The following LRP2 variants were observed in gnomAD, a reference collection of about 807,000 sequenced individuals.
LRP2 encodes LDL receptor related protein 2, also known as low-density lipoprotein receptor-related protein 2.
LRP2 carries 172 observed loss-of-function variants against 531.0 expected under a neutral mutation model. That is an observed-to-expected ratio of 0.32 (90% CI 0.29 to 0.37). The LOEUF is 0.37. LRP2 is among the 10% of genes least tolerant of loss of function. The pLI, the probability that LRP2 is intolerant of heterozygous loss-of-function variation, is 1.00. For missense variants in LRP2, 5,167 were observed against 5,868.3 expected (o/e 0.88, Z 3.90); for synonymous variants, 1,992 against 2,027.6 (o/e 0.98, Z 0.47).
chr2:169,210,196 T>C (rs934915372), intron 37 of LRP2, among the ~76,000 whole-genome samples: 2 of 152,172 alleles, frequency 1.3e-5, no homozygotes, highest in African/African-American at 4.8e-5. Context: ...TAAATAATCA[T>C]TTCAAACAAG....
At chr2:169,185,330 T>G (rs1232471359) in intron 50 of LRP2, among the ~76,000 whole-genome samples, 173 bp downstream of exon 50, 1 of 152,258 alleles carries the variant, frequency 6.6e-6, no homozygotes, top group African/African-American at 2.4e-5. Context: ...TTAGATATTC[T>G]GTTCTGAATC....
At chr2:169,203,088 C>G in intron 42 of LRP2, 129 bp from the exon 43 acceptor site, 1 of 758,596 alleles carries the variant, frequency 1.3e-6, no homozygotes, top group Non-Finnish European at 2.3e-6. Flanking sequence ...GAAGTTCTGC[C>G]CATTAACCTT....
intron 1 of LRP2, among the ~76,000 whole-genome samples, chr2:169,333,237 A>G (rs1204224829): frequency 6.6e-6 from 1 of 152,124 alleles, no homozygotes; most frequent in Non-Finnish European, 1.5e-5. Context: ...ATGCCTTGGA[A>G]ATGATTTTAT....
At chr2:169,354,724 T>C (rs1574284824) in intron 1 of LRP2, among the ~76,000 whole-genome samples, 1 of 152,160 alleles carries the variant, frequency 6.6e-6, no homozygotes, top group African/African-American at 2.4e-5. Flanking sequence ...AAAGTAACCA[T>C]CAGCAAAGAG....
chr2:169,206,033 G>C lies in LRP2; in HGVS notation c.7546C>G (p.Pro2516Ala). ...VPKPRAIVLD[P>A]CQGYLYWADW... ...AAGATGATGGCATACCCTTGGCAGG[G>C]ATCTAACACAATTGCTCTTGGTTTT... Residue 2516 changes from proline to alanine, a missense_variant, in exon 40 of 79, where the codon CCC (proline) becomes GCC (alanine). Around this residue, in one of 6 missense-constraint regions of LRP2, gnomAD observed 1,129 missense variants for 1,362.7 expected, o/e 0.83. Transcript: ENST00000649046. The C allele has an allele frequency of 6.2e-7, 1 of 1,614,194 alleles. No individual in the cohort carries two copies. The highest frequency in any genetic ancestry group is 8.5e-7 in the Non-Finnish European group (1 of 1,180,036).
At chr2:169,311,643 G>C (rs184280621) in intron 3 of LRP2, among the ~76,000 whole-genome samples, 3 of 152,350 alleles carry the variant, frequency 2.0e-5, no homozygotes, top group Non-Finnish European at 4.4e-5. Flanking sequence ...ATTGAAATAA[G>C]TGCAATGTGG....
At chr2:169,274,579 T>C (rs1683503370) in intron 14 of LRP2, among the ~76,000 whole-genome samples, 1 of 152,076 alleles carries the variant, frequency 6.6e-6, no homozygotes, top group Non-Finnish European at 1.5e-5. Flanking sequence ...ACAGGTGCCA[T>C]ACATATGCAA....
chr2:169,294,849 C>T, intron 4 of LRP2, 139 bp from the exon 5 acceptor site: 3 of 640,172 alleles, frequency 4.7e-6, no homozygotes. Context: ...AAGAAGTATG[C>T]TCCCTGGCTT....
intron 4 of LRP2, among the ~76,000 whole-genome samples, chr2:169,295,634 A>G (rs1215271869): frequency 1.3e-5 from 2 of 152,108 alleles, no homozygotes; most frequent in Non-Finnish European, 2.9e-5. Context: ...TGTCTTACTC[A>G]TTTTAGAATC....
chr2:169,350,525 A>C (rs1019778660), intron 1 of LRP2, among the ~76,000 whole-genome samples: 1 of 151,894 alleles, frequency 6.6e-6, no homozygotes, highest in Admixed American at 6.6e-5. Flanking sequence ...GGAGTTTGAG[A>C]CCAGCCTGAC....
rs766035084 is a variant in LRP2 at position 169,243,463 on chromosome 2, G to C, written c.3490C>G (p.Leu1164Val). ...FNCPNHRCID[L>V]SFVCDGDKDC... ...TTGTCACCATCACAGACAAACGATA[G>C]GTCAATACATCGATGATTGGGGCAA... The change falls in exon 23 of 79, where the codon CTA (leucine) becomes GTA (valine). Residue 1164 changes from leucine to valine, a missense_variant. Transcript: ENST00000649046. 4 of 1,614,110 alleles carry C rather than the reference G, an allele frequency of 2.5e-6. No individual in the cohort carries two copies. Among genetic ancestry groups the C allele is most frequent in the South Asian group, 2.2e-5 (2 of 91,070 alleles).
At chr2:169,289,912 C>T (rs1161922010) in intron 8 of LRP2, among the ~76,000 whole-genome samples, 1 of 152,034 alleles carries the variant, frequency 6.6e-6, no homozygotes, top group Non-Finnish European at 1.5e-5. Flanking sequence ...GAGGTCTCTG[C>T]CTGTTTAAAT....
chr2:169,330,225 G>A (rs1213376593), intron 1 of LRP2, among the ~76,000 whole-genome samples: 2 of 152,182 alleles, frequency 1.3e-5, no homozygotes, highest in Non-Finnish European at 2.9e-5. Flanking sequence ...TCTCCAAGCT[G>A]GATGTTTCTG....
chr2:169,300,079 T>C (rs547015585), intron 4 of LRP2, among the ~76,000 whole-genome samples: 1 of 152,206 alleles, frequency 6.6e-6, no homozygotes, highest in Middle Eastern at 3.4e-3. Flanking sequence ...GTAAACAAAA[T>C]TACAAGTGAA....
intron 15 of LRP2, among the ~76,000 whole-genome samples, chr2:169,271,947 G>A (rs1181365507): frequency 1.3e-5 from 2 of 152,022 alleles, no homozygotes; most frequent in East Asian, 3.9e-4. Context: ...GATGAAGGAG[G>A]TATGCCCAAG....
chr2:169,194,699 G>A (rs1040543321), intron 46 of LRP2, among the ~76,000 whole-genome samples: 3 of 149,378 alleles, frequency 2.0e-5, no homozygotes, highest in Non-Finnish European at 4.4e-5. Context: ...TATGAAAAGT[G>A]TGTACATTGA....
chr2:169,152,269 C>T (rs553524316), intron 67 of LRP2, among the ~76,000 whole-genome samples: 1 of 152,254 alleles, frequency 6.6e-6, no homozygotes, highest in Non-Finnish European at 1.5e-5. Context: ...ATTCCAAAGA[C>T]TTCTTTAGTC....
In LRP2 at chr2:169,320,209, T is replaced by C. The variant is rs191989153; in HGVS notation, c.187+568A>G. Among the ~76,000 whole-genome samples the C allele has an allele frequency of 2.2e-3, 339 of 152,348 alleles. 1 individual carries two copies. Among genetic ancestry groups the C allele is most frequent in the African/African-American group, 7.8e-3 (323 of 41,584 alleles). ...AGAAAACTAAATGACAAAATGAATG[T>C]GAAAGTCATTTTATAATTAATTAGA... is the stretch of plus-strand genomic sequence containing the variant. On this transcript the variant is annotated intron_variant, in intron 2 of 78. Coordinates refer to ENST00000649046, the MANE Select transcript of LRP2 (RefSeq NM_004525.3).
rs1230737639 is a variant in LRP2, at chr2:169,146,965, A to G, written c.12591-6T>C. On this transcript the variant is annotated splice_polypyrimidine_tract_variant and splice_region_variant and intron_variant, in intron 68 of 78. Transcript: ENST00000649046. ...AGTCAGTCCAGAACATAAGCCTATAACAGAAGATTTCTTCACTGTAGCATC... is the reference window on the plus strand; with the variant it reads ...AGTCAGTCCAGAACATAAGCCTATAGCAGAAGATTTCTTCACTGTAGCATC... 1 of 1,600,956 alleles carries G rather than the reference A, an allele frequency of 6.2e-7. No homozygotes were observed. The highest frequency in any genetic ancestry group is 8.5e-7 in the Non-Finnish European group (1 of 1,170,918).
Sources: allele counts gnomAD v4.1 joint callset (sites outside exome capture counted in the v4.1 genomes callset), GRCh38; gene constraint gnomAD v4.1.1; regional missense constraint gnomAD v4.1.1; transcripts MANE v1.5; gene names NCBI Gene and HGNC (gene_info 2026-07-23, HGNC 2026-07-21).